The following EFCAB7 variants were observed in gnomAD, a reference collection of about 807,000 sequenced individuals.
EFCAB7 encodes the protein EF-hand calcium-binding domain-containing protein 7.
A neutral mutation model predicts 77.1 loss-of-function variants in EFCAB7; 66 were observed. The ratio of observed to expected loss-of-function variants is 0.86; its 90% CI spans 0.70 to 1.05. The LOEUF (loss-of-function observed/expected upper bound fraction) is 1.05. EFCAB7 is among the 50% of genes least tolerant of loss of function. EFCAB7 has a pLI of 0.00. For synonymous variants in EFCAB7, 225 were observed against 243.3 expected (o/e 0.92, Z 0.70); for missense variants, 638 against 730.5 (o/e 0.87, Z 1.46).
At chr1:63,562,475 AT>A (rs1647118306) in intron 11 of EFCAB7, among the ~76,000 whole-genome samples, 3 of 83,284 alleles carry the variant, frequency 3.6e-5, no homozygotes, top group African/African-American at 1.8e-4. Flanking sequence ...ATATATATAT[AT>A]ATATATATAT....
rs35018430 is a variant in EFCAB7 at position 63,543,971 on chromosome 1, C to CTT, written c.805-1930_805-1929dup. Among the ~76,000 whole-genome samples, 71 of 131,100 alleles carry CTT rather than the reference C, an allele frequency of 5.4e-4. 1 individual carries two copies. Among genetic ancestry groups the CTT allele is most frequent in the African/African-American group, 1.1e-3 (39 of 35,468 alleles). The allele number at this position is 131,100 out of a possible 152,430, so 86.0% of individuals were successfully genotyped here. A position where few individuals can be genotyped will look rare whatever the true frequency, so the allele number is the denominator to read the frequency against. The stretch of plus-strand genomic sequence containing the variant: ...CTTTTCTTTTCTTTTTTTCTTTTTT[C>CTT]TTTTTTTTTTTTTTTTGAGACAGAG... On this transcript the variant is annotated intron_variant, in intron 6 of 13. Coordinates refer to ENST00000371088, the MANE Select transcript of EFCAB7 (RefSeq NM_032437.4).
chr1:63,549,207 G>C (rs1459701044), intron 7 of EFCAB7: 1 of 360,112 alleles, frequency 2.8e-6, no homozygotes, highest in Non-Finnish European at 5.5e-6. Context: ...ATAATGCTTT[G>C]GAACAGGACA....
At chr1:63,551,882 C>T (rs189553394) in intron 8 of EFCAB7, 48 bp downstream of exon 8, 79 of 1,220,272 alleles carry the variant, frequency 6.5e-5, no homozygotes, top group Admixed American at 2.5e-4. Flanking sequence ...ATAGTATGAA[C>T]TGCAGTTTGG....
chr1:63,533,938 A>T (rs952638326), intron 5 of EFCAB7, among the ~76,000 whole-genome samples, 157 bp from the exon 6 acceptor site: 1 of 152,174 alleles, frequency 6.6e-6, no homozygotes, highest in African/African-American at 2.4e-5. Flanking sequence ...GGGATCATTA[A>T]AGCCTGATAA....
chr1:63,583,535 T>A, the EFCAB7 span, among the ~76,000 whole-genome samples: 4 of 152,052 alleles, frequency 2.6e-5, no homozygotes, highest in Non-Finnish European at 5.9e-5. Flanking sequence ...GTCAATGAGG[T>A]CTACTTGCTC....
At chr1:63,584,890 TA>T in the EFCAB7 span, among the ~76,000 whole-genome samples, 1 of 152,212 alleles carries the variant, frequency 6.6e-6, no homozygotes, top group African/African-American at 2.4e-5. Context: ...TTGGCATTCA[TA>T]ACCCCCATAT....
At chr1:63,529,156 A>G (rs1212576616) in intron 2 of EFCAB7, 6 of 152,186 alleles carry the variant, frequency 3.9e-5, no homozygotes, top group Non-Finnish European at 2.9e-5. Flanking sequence ...CAGCATGGTA[A>G]TCAGGGCTTT....
chr1:63,568,456 T>C lies in EFCAB7; in HGVS notation c.1644T>C (p.Tyr548=). ...SNGDAKVMDG[Y]ENIIVHTYSC... is the part of the protein sequence containing the mutation. ...GTGATGCCAAAGTAATGGATGGCTA[T>C]GAAAATATAATCGTGCATACTTACA... is the stretch of plus-strand genomic sequence containing the variant. Residue 548 remains tyrosine (Y), a synonymous_variant, in exon 12 of 14, where the codon TAT becomes TAC. Coordinates refer to ENST00000371088, the MANE Select transcript of EFCAB7 (RefSeq NM_032437.4). 6.3e-7 allele frequency: 1 copy of C among 1,592,780 alleles called. No individual in the cohort carries two copies. Among genetic ancestry groups the C allele is most frequent in the Non-Finnish European group, 8.5e-7 (1 of 1,172,606 alleles).
chr1:63,535,138 A>G lies in EFCAB7; in HGVS notation c.804+922A>G, dbSNP rs76110624. Among the ~76,000 whole-genome samples, 88 of 152,204 alleles carry G rather than the reference A, an allele frequency of 5.8e-4. 3 individuals are homozygous for G. In the East Asian group the frequency reaches 0.016, roughly 28 times the overall value. ...AAATAATTATGGTTTACCTGATTCA[A>G]AAGCACAAATAAATGTAATTTTAGC... On this transcript the variant is annotated intron_variant, in intron 6 of 13. Coordinates refer to ENST00000371088, the MANE Select transcript of EFCAB7 (RefSeq NM_032437.4).
In EFCAB7 at chr1:63,555,379, C is replaced by CTT. The variant is rs1441593121; in HGVS notation, c.1079_1080insTT (p.Gly361Ter). 14 of 1,612,344 alleles carry CTT rather than the reference C, an allele frequency of 8.7e-6. No individual in the cohort carries two copies. Among genetic ancestry groups the CTT allele is most frequent in the Non-Finnish European group, 1.2e-5 (14 of 1,179,174 alleles). On this transcript the variant is annotated frameshift_variant, in exon 9 of 14. Transcript: ENST00000371088. LOFTEE classifies it high-confidence loss of function. ...AAAGGTGTTTGGATGGACTGGTGAA[C>CTT]TAGGACCTGGAATTTACTGGTTAAT...
chr1:63,525,417 A>G (rs1646571271), intron 1 of EFCAB7, among the ~76,000 whole-genome samples, 155 bp from the exon 2 acceptor site: 2 of 152,312 alleles, frequency 1.3e-5, no homozygotes, highest in Non-Finnish European at 2.9e-5. Context: ...ACTTCCACAT[A>G]TAAAACTTTT....
intron 13 of EFCAB7, 45 bp downstream of exon 13, chr1:63,571,173 G>T: frequency 7.1e-7 from 1 of 1,414,192 alleles, no homozygotes. Flanking sequence ...TTATGTCTTT[G>T]AAAAAAATTT....
chr1:63,564,585 T>G (rs1279628465), intron 11 of EFCAB7, among the ~76,000 whole-genome samples: 1 of 152,160 alleles, frequency 6.6e-6, no homozygotes, highest in African/African-American at 2.4e-5. Flanking sequence ...GGAAAAACAT[T>G]TGATGCTCAT....
chr1:63,541,472 A>G (rs991744783), intron 6 of EFCAB7, among the ~76,000 whole-genome samples: 4 of 152,240 alleles, frequency 2.6e-5, no homozygotes, highest in Admixed American at 2.6e-4. Flanking sequence ...TAGACAAAAC[A>G]GTATTCTATT....
At chr1:63,574,038 C>A (rs1647342185), downstream of EFCAB7, among the ~76,000 whole-genome samples, 1 of 152,124 alleles carries the variant, frequency 6.6e-6, no homozygotes, top group Admixed American at 6.5e-5. Flanking sequence ...TTCTTAGACC[C>A]TGTGGGAAAG....
chr1:63,524,555 T>G (rs1646545764), intron 1 of EFCAB7, among the ~76,000 whole-genome samples: 1 of 152,224 alleles, frequency 6.6e-6, no homozygotes, highest in South Asian at 2.1e-4. Flanking sequence ...GGACCCTACC[T>G]GTGTTATCTT....
At chr1:63,534,642 A>C (rs1646742184) in intron 6 of EFCAB7, among the ~76,000 whole-genome samples, 1 of 152,116 alleles carries the variant, frequency 6.6e-6, no homozygotes, top group Non-Finnish European at 1.5e-5. Flanking sequence ...TTCCCTTTCT[A>C]GACTCAACCT....
chr1:63,533,981 G>T, intron 5 of EFCAB7, 114 bp from the exon 6 acceptor site: 1 of 1,181,170 alleles, frequency 8.5e-7, no homozygotes, highest in Non-Finnish European at 1.2e-6. Flanking sequence ...TCAATAGGGA[G>T]AACAAAGAGA....
chr1:63,574,915 A>G (rs540005099), downstream of EFCAB7, among the ~76,000 whole-genome samples: 153 of 152,300 alleles, frequency 1.0e-3, no homozygotes, highest in Middle Eastern at 3.4e-3. Context: ...AGTATATACT[A>G]TATTCTCTCT....
Sources: gnomAD v4.1 joint callset for allele counts (sites outside exome capture counted in the v4.1 genomes callset) on GRCh38, gnomAD v4.1.1 for gene constraint, MANE v1.5 for transcripts, NCBI Gene and HGNC (gene_info 2026-07-23, HGNC 2026-07-21) for gene names.